DOCK2: variants seen among roughly 807,000 people sequenced by gnomAD.
The protein encoded by DOCK2 is dedicator of cytokinesis 2, also known as dedicator of cytokinesis protein 2.
Under a neutral mutation model 248.9 loss-of-function variants are expected in DOCK2, and 87 were observed. That is an observed-to-expected ratio of 0.35 (90% CI 0.29 to 0.42). The LOEUF (loss-of-function observed/expected upper bound fraction) is 0.42, where lower values mean the gene tolerates loss of function less well. Ranked by LOEUF, DOCK2 falls within the 10% of genes least tolerant of loss-of-function variation. The pLI is 1.00. For synonymous variants in DOCK2, 805 were observed against 821.6 expected (o/e 0.98, Z 0.35); for missense variants, 1,747 against 2,300.2 (o/e 0.76, Z 4.92).
At chr5:170,058,346 C>G (rs1757210211) in intron 44 of DOCK2, among the ~76,000 whole-genome samples, 1 of 152,024 alleles carries the variant, frequency 6.6e-6, no homozygotes, top group Non-Finnish European at 1.5e-5. Flanking sequence ...TGTTGTAAGA[C>G]CTAGAGATTC....
At chr5:169,690,783 A>T (rs989085924) in intron 9 of DOCK2, among the ~76,000 whole-genome samples, 3 of 152,110 alleles carry the variant, frequency 2.0e-5, no homozygotes, top group Non-Finnish European at 2.9e-5. Flanking sequence ...AGCATCAGTA[A>T]ATTTGTGTCA....
At chr5:169,844,414 G>C (rs1330936227) in intron 27 of DOCK2, among the ~76,000 whole-genome samples, 1 of 152,220 alleles carries the variant, frequency 6.6e-6, no homozygotes, top group Non-Finnish European at 1.5e-5. Flanking sequence ...TAGATTCTCA[G>C]CTACCCTCTG....
intron 47 of DOCK2, among the ~76,000 whole-genome samples, chr5:170,077,377 C>T (rs549477566): frequency 6.6e-6 from 1 of 152,210 alleles, no homozygotes; most frequent in Non-Finnish European, 1.5e-5. Flanking sequence ...GCCCTATAAT[C>T]ATAGAGCTGG....
chr5:170,035,514 A>T (rs1223918898), intron 35 of DOCK2, among the ~76,000 whole-genome samples: 1 of 152,208 alleles, frequency 6.6e-6, no homozygotes, highest in Non-Finnish European at 1.5e-5. Flanking sequence ...GGCCCAGTTT[A>T]CATAAAGATC....
chr5:170,055,405 A>C lies in DOCK2; in HGVS notation c.4295+19A>C. ...TTATAAAGTAAGACTCGTTGTCCAC[A>C]GGGAAGAAGGATGGGGAAGAGAACC... is the stretch of plus-strand genomic sequence containing the variant. On this transcript the variant is annotated intron_variant, in intron 42 of 51. Transcript: ENST00000520908. 6.2e-7 allele frequency: 1 copy of C among 1,612,492 alleles called. No homozygotes were observed. Among genetic ancestry groups the C allele is most frequent in the Non-Finnish European group, 8.5e-7 (1 of 1,178,570 alleles).
chr5:169,784,205 A>AT (rs950232628), intron 25 of DOCK2, among the ~76,000 whole-genome samples: 1 of 151,158 alleles, frequency 6.6e-6, no homozygotes, highest in Non-Finnish European at 1.5e-5. Context: ...ACCTTTTGCT[A>AT]TTTTTTCCTG....
chr5:169,957,477 G>A lies in DOCK2; in HGVS notation c.2800-25591G>A, dbSNP rs76876882. ...TGTCCTTTCCACAGCCCTGTAAGGA[G>A]AAGTATACCATTCCCACTGAACAGA... On this transcript the variant is annotated intron_variant, in intron 27 of 51. Transcript: ENST00000520908. Among the ~76,000 whole-genome samples, 519 of 152,306 alleles carry A rather than the reference G, an allele frequency of 3.4e-3. 27 individuals are homozygous for A. In the East Asian group the frequency reaches 0.087, roughly 26 times the overall value.
chr5:169,691,417 A>G (rs1760294440), intron 9 of DOCK2, among the ~76,000 whole-genome samples: 1 of 152,198 alleles, frequency 6.6e-6, no homozygotes, highest in Admixed American at 6.5e-5. Flanking sequence ...TATCGATCCA[A>G]GAGCTAGCCA....
chr5:169,782,579 G>C (rs1765770342), intron 25 of DOCK2, among the ~76,000 whole-genome samples: 1 of 151,482 alleles, frequency 6.6e-6, no homozygotes, highest in African/African-American at 2.4e-5. Flanking sequence ...TGTGATTGCA[G>C]GTCTCCAGGT....
Position 169,761,600 on chromosome 5 carries a change from C to G in DOCK2, c.2529C>G (p.Val843=). 6.2e-7 allele frequency: 1 copy of G among 1,614,030 alleles called. No homozygotes were observed. Residue 843 remains valine, a synonymous_variant, in exon 25 of 52, where the codon GTC becomes GTG. Coordinates refer to ENST00000520908, the MANE Select transcript of DOCK2 (RefSeq NM_004946.3). ...AAGTACAGTCTATGAATGAGATAGTCCAGAGCAACCTCTTTAAAAAGCAAG... is the reference window on the plus strand; with the variant it reads ...AAGTACAGTCTATGAATGAGATAGTGCAGAGCAACCTCTTTAAAAAGCAAG... The part of the protein sequence containing the change: ...KQKVQSMNEI[V]QSNLFKKQEC...
intron 32 of DOCK2, among the ~76,000 whole-genome samples, chr5:170,017,024 C>T (rs533802950): frequency 1.3e-5 from 2 of 152,302 alleles, no homozygotes; most frequent in South Asian, 2.1e-4. Context: ...CTCCACTCTG[C>T]CTGACTCCAC....
At chr5:169,733,614 T>C (rs986050395) in intron 22 of DOCK2, among the ~76,000 whole-genome samples, 1 of 152,164 alleles carries the variant, frequency 6.6e-6, no homozygotes, top group East Asian at 1.9e-4. Context: ...GTTAATCTTG[T>C]AGACTTAACT....
chr5:169,908,819 A>C (rs1334957970), intron 27 of DOCK2, among the ~76,000 whole-genome samples: 1 of 149,536 alleles, frequency 6.7e-6, no homozygotes, highest in Non-Finnish European at 1.5e-5. Flanking sequence ...GGTTCAAGCA[A>C]TTCTCCTGCC....
intron 9 of DOCK2, 86 bp downstream of exon 9, chr5:169,689,419 G>A: frequency 7.1e-7 from 1 of 1,404,852 alleles, no homozygotes; most frequent in Non-Finnish European, 1.0e-6. Context: ...AGCTCAGGGT[G>A]AAGTGTGGCT....
At chr5:169,646,038 C>T (rs917157288) in intron 1 of DOCK2, among the ~76,000 whole-genome samples, 1 of 152,168 alleles carries the variant, frequency 6.6e-6, no homozygotes, top group Non-Finnish European at 1.5e-5. Context: ...CATGAGCCAC[C>T]ACGCCCAGCC....
chr5:170,006,743 T>G (rs1296149058), intron 30 of DOCK2, among the ~76,000 whole-genome samples: 1 of 152,226 alleles, frequency 6.6e-6, no homozygotes, highest in African/African-American at 2.4e-5. Context: ...GTGTAACCAC[T>G]GCTCTGTCAC....
intron 9 of DOCK2, among the ~76,000 whole-genome samples, chr5:169,694,390 C>T (rs937256547): frequency 1.3e-5 from 2 of 152,222 alleles, no homozygotes; most frequent in Non-Finnish European, 2.9e-5. Context: ...CTTTTAGATT[C>T]GAGCATGAAG....
chr5:169,918,609 G>T (rs532710867), intron 27 of DOCK2, among the ~76,000 whole-genome samples: 5 of 152,294 alleles, frequency 3.3e-5, no homozygotes, highest in African/African-American at 9.6e-5. Context: ...TACTGTTTAG[G>T]TTACTTTAAA....
chr5:169,993,249 G>T (rs974727025), intron 29 of DOCK2, among the ~76,000 whole-genome samples: 1 of 152,164 alleles, frequency 6.6e-6, no homozygotes, highest in Non-Finnish European at 1.5e-5. Flanking sequence ...ATCTCACTTT[G>T]TGACAGCCTG....
Sources: allele counts gnomAD v4.1 joint callset (sites outside exome capture counted in the v4.1 genomes callset), GRCh38; gene constraint gnomAD v4.1.1; transcripts MANE v1.5; gene names NCBI Gene and HGNC (gene_info 2026-07-23, HGNC 2026-07-21).